The following STPG2 variants were observed in gnomAD, a reference collection of about 807,000 sequenced individuals.
STPG2 encodes the protein sperm tail PG-rich repeat containing 2.
STPG2 carries 56 observed loss-of-function variants against 54.2 expected under a neutral mutation model. The observed-to-expected ratio is 1.03, with a 90% CI of 0.83 to 1.29. The LOEUF is 1.29. Ranked by LOEUF, STPG2 falls within the 50% of genes most tolerant of loss-of-function variation. STPG2 has a pLI of 0.00. For synonymous variants in STPG2, 200 were observed against 181.8 expected (o/e 1.10, Z -0.81); for missense variants, 596 against 544.9 (o/e 1.09, Z -0.93).
At chr4:97,444,507 C>T (rs1212671667) in intron 4 of STPG2, among the ~76,000 whole-genome samples, 1 of 152,070 alleles carries the variant, frequency 6.6e-6, no homozygotes, top group Non-Finnish European at 1.5e-5. Context: ...AGAAAATATG[C>T]CAACCTGAAC....
chr4:97,949,485 A>G (rs1733383797), intron 7 of STPG2, among the ~76,000 whole-genome samples: 1 of 151,872 alleles, frequency 6.6e-6, no homozygotes, highest in Non-Finnish European at 1.5e-5. Flanking sequence ...TCTTCATTGT[A>G]TTATTGTTTT....
In STPG2 at chr4:97,974,339, G is replaced by A. The variant is rs187524997; in HGVS notation, c.773-1899C>T. Among the ~76,000 whole-genome samples the A allele has an allele frequency of 8.8e-3, 1,336 of 152,290 alleles. 10 individuals are homozygous for A. Among genetic ancestry groups the A allele is most frequent in the South Asian group, 0.029 (140 of 4,822 alleles). On this transcript the variant is annotated intron_variant, in intron 6 of 10. Transcript: ENST00000295268. ...ATTTTACTGGCTCATAGGTGGAAAG[G>A]ACTTGCCTTGTCTTAAATGATACTT... is the stretch of plus-strand genomic sequence containing the variant.
At chr4:97,444,289 C>T (rs957896486) in intron 4 of STPG2, among the ~76,000 whole-genome samples, 1 of 152,116 alleles carries the variant, frequency 6.6e-6, no homozygotes, top group African/African-American at 2.4e-5. Flanking sequence ...TCAATCCACA[C>T]AATCCAGAGT....
chr4:97,842,644 A>AT (rs529976162), intron 8 of STPG2, among the ~76,000 whole-genome samples: 302 of 151,792 alleles, frequency 2.0e-3, no homozygotes, highest in African/African-American at 7.0e-3. Flanking sequence ...CACAGAAACT[A>AT]TTTTTTTTAA....
chr4:97,473,069 C>T (rs953071297), intron 4 of STPG2, among the ~76,000 whole-genome samples: 1 of 152,126 alleles, frequency 6.6e-6, no homozygotes, highest in African/African-American at 2.4e-5. Context: ...TTAATCCTGT[C>T]ATCTCGTAAG....
At chr4:97,890,037 A>C (rs982090232) in intron 8 of STPG2, among the ~76,000 whole-genome samples, 1 of 152,144 alleles carries the variant, frequency 6.6e-6, no homozygotes, top group Non-Finnish European at 1.5e-5. Flanking sequence ...TATTAAAGGC[A>C]ATCAGTTTTT....
At chr4:97,871,485 A>T (rs898967750) in intron 8 of STPG2, among the ~76,000 whole-genome samples, 1 of 151,104 alleles carries the variant, frequency 6.6e-6, no homozygotes, top group African/African-American at 2.4e-5. Context: ...TTATTGAATC[A>T]GAAGAAATGA....
At chr4:97,651,355 A>T (rs1722062547) in intron 10 of STPG2, among the ~76,000 whole-genome samples, 1 of 152,146 alleles carries the variant, frequency 6.6e-6, no homozygotes, top group African/African-American at 2.4e-5. Context: ...GCCTCAGAGT[A>T]TCAACAGGTT....
At chr4:97,842,456 A>T (rs1432641629) in intron 8 of STPG2, among the ~76,000 whole-genome samples, 1 of 151,886 alleles carries the variant, frequency 6.6e-6, no homozygotes, top group Non-Finnish European at 1.5e-5. Flanking sequence ...TGCATACAAT[A>T]TGCCTAGTGT....
intron 4 of STPG2, among the ~76,000 whole-genome samples, chr4:97,442,361 A>G (rs1004888825): frequency 2.0e-5 from 3 of 151,980 alleles, no homozygotes; most frequent in African/African-American, 7.2e-5. Flanking sequence ...TAACTCACTC[A>G]TTTTCTTTAG....
In STPG2 at chr4:98,056,689, C is replaced by G. The variant is rs138525684; in HGVS notation, c.612+49264G>C. 5.2e-3 allele frequency among the ~76,000 whole-genome samples: 792 copies of G among 152,048 alleles called. 10 individuals are homozygous for G. Among genetic ancestry groups the G allele is most frequent in the African/African-American group, 0.018 (759 of 41,488 alleles). On this transcript the variant is annotated intron_variant, in intron 5 of 10. Coordinates refer to ENST00000295268, the MANE Select transcript of STPG2 (RefSeq NM_174952.3). ...TATAGTTTGGCTCTGTGTGCCCACC[C>G]AAGTCTCATCTTGAATTATGATCTT...
At chr4:97,797,574 G>A (rs1727238445) in intron 9 of STPG2, among the ~76,000 whole-genome samples, 1 of 152,176 alleles carries the variant, frequency 6.6e-6, no homozygotes, top group African/African-American at 2.4e-5. Flanking sequence ...TTGATGTGCT[G>A]CTGGATTTGG....
chr4:97,522,538 C>A (rs1478370072), intron 4 of STPG2, among the ~76,000 whole-genome samples: 1 of 151,888 alleles, frequency 6.6e-6, no homozygotes, highest in Non-Finnish European at 1.5e-5. Context: ...GCTATCTGAA[C>A]TCAATATGTT....
chr4:98,066,779 A>G (rs1737850414), intron 5 of STPG2, among the ~76,000 whole-genome samples: 1 of 152,166 alleles, frequency 6.6e-6, no homozygotes, highest in Non-Finnish European at 1.5e-5. Flanking sequence ...AATCACTTTC[A>G]CTATTAAGAG....
chr4:97,480,526 G>A (rs1730193721), intron 4 of STPG2, among the ~76,000 whole-genome samples: 1 of 151,576 alleles, frequency 6.6e-6, no homozygotes, highest in Non-Finnish European at 1.5e-5. Context: ...TTGGTCTCTA[G>A]TTTTCTTTAA....
chr4:97,751,552 A>T (rs2149045679), intron 9 of STPG2, among the ~76,000 whole-genome samples: 1 of 151,948 alleles, frequency 6.6e-6, no homozygotes. Context: ...TTTTACGAGG[A>T]AATTTTTATC....
intron 9 of STPG2, among the ~76,000 whole-genome samples, chr4:97,839,478 A>C (rs1407981336): frequency 6.6e-6 from 1 of 151,636 alleles, no homozygotes; most frequent in Non-Finnish European, 1.5e-5. Context: ...AATTTACTTC[A>C]TAAGACCCTG....
intron 5 of STPG2, among the ~76,000 whole-genome samples, chr4:98,009,910 A>C (rs1735692708): frequency 6.6e-6 from 1 of 152,036 alleles, no homozygotes; most frequent in Non-Finnish European, 1.5e-5. Context: ...TATTCATAAT[A>C]ACCTCTAATG....
At chr4:97,905,060 A>C (rs1467126869) in intron 8 of STPG2, among the ~76,000 whole-genome samples, 2 of 152,046 alleles carry the variant, frequency 1.3e-5, no homozygotes, top group African/African-American at 2.4e-5. Context: ...GAATTTCCCC[A>C]ATCTAGCAAG....
Sources: gnomAD v4.1 joint callset for allele counts (sites outside exome capture counted in the v4.1 genomes callset) on GRCh38, gnomAD v4.1.1 for gene constraint, MANE v1.5 for transcripts, NCBI Gene and HGNC (gene_info 2026-07-23, HGNC 2026-07-21) for gene names.